The following ITGA8 variants were observed in gnomAD, a reference collection of about 807,000 sequenced individuals.
The protein encoded by ITGA8 is integrin subunit alpha 8, also known as integrin alpha-8.
In ITGA8, 91 loss-of-function variants were observed where a neutral mutation model predicts 142.3. That is an observed-to-expected ratio of 0.64 (90% CI 0.54 to 0.76). The LOEUF is 0.76. Ranked by LOEUF, ITGA8 falls within the 30% of genes least tolerant of loss-of-function variation. ITGA8 has a pLI of 0.00. For missense variants in ITGA8, 1,406 were observed against 1,327.7 expected, an observed-to-expected ratio of 1.06 and a Z score of -0.92; for synonymous variants, 505 against 485.2, an observed-to-expected ratio of 1.04 and a Z score of -0.54.
At chr10:15,590,700 G>A (rs1430169498) in intron 22 of ITGA8, among the ~76,000 whole-genome samples, 1 of 151,880 alleles carries the variant, frequency 6.6e-6, no homozygotes, top group African/African-American at 2.4e-5. Flanking sequence ...AAATATTTAG[G>A]GCTACCTAAA....
At chr10:15,618,401 G>C (rs1410244656) in intron 13 of ITGA8, among the ~76,000 whole-genome samples, 1 of 152,168 alleles carries the variant, frequency 6.6e-6, no homozygotes, top group Non-Finnish European at 1.5e-5. Flanking sequence ...GGAAAACTAA[G>C]TCAGGAATTA....
rs1834545869 is a variant in ITGA8 at position 15,672,632 on chromosome 10, C to T, written c.794G>A (p.Ser265Asn). ...TGGGCAATGGGTCTTACCAAGGTAA[C>T]TGTCATCATAGGAAGCTGGAGCCAC... ...TEVAPASYDD[S>N]YLGYSVAAGE... Residue 265 changes from serine (S) to asparagine (N), a missense_variant, in exon 7 of 30, where the codon AGT (serine) becomes AAT (asparagine). Coordinates refer to ENST00000378076, the MANE Select transcript of ITGA8 (RefSeq NM_003638.3). 4 of 1,612,972 alleles carry T rather than the reference C, an allele frequency of 2.5e-6. No homozygotes were observed. Among genetic ancestry groups the T allele is most frequent in the African/African-American group, 1.3e-5 (1 of 74,884 alleles).
At chr10:15,626,259 G>A (rs1196492598) in intron 13 of ITGA8, among the ~76,000 whole-genome samples, 1 of 152,040 alleles carries the variant, frequency 6.6e-6, no homozygotes, top group African/African-American at 2.4e-5. Flanking sequence ...TTTGGAGACA[G>A]TCTCACTCTA....
chr10:15,638,905 T>C (rs911130762), intron 13 of ITGA8, among the ~76,000 whole-genome samples: 1 of 151,932 alleles, frequency 6.6e-6, no homozygotes, highest in African/African-American at 2.4e-5. Flanking sequence ...GGCGGGAGGA[T>C]CGCTTGAGGC....
chr10:15,665,574 GAC>G (rs201967653), intron 8 of ITGA8, among the ~76,000 whole-genome samples: 86,309 of 151,296 alleles, frequency 0.57, 25,767 homozygotes, highest in South Asian at 0.75. Context: ...TTGTGTTTTA[GAC>G]ATGAAGTCCT....
In ITGA8 at chr10:15,616,538, C is replaced by T. The variant is rs764465686; in HGVS notation, c.1421G>A (p.Gly474Glu). 42 of 1,612,108 alleles carry T rather than the reference C, an allele frequency of 2.6e-5. 3 individuals carry two copies. In the South Asian group the frequency reaches 4.0e-4, roughly 15 times the overall value. Residue 474 changes from glycine (G) to glutamate (E), a missense_variant, in exon 14 of 30, where the codon GGA (glycine) becomes GAA (glutamate). Coordinates refer to ENST00000378076, the MANE Select transcript of ITGA8 (RefSeq NM_003638.3). ...DYPDLIVGAF[G>E]TGKVAVYRAR... ...CCTGTAAACAGCGACTTTTCCTGTT[C>T]CAAATGCACCCACAATCAAATCTTA...
chr10:15,615,890 G>A (rs767141124), intron 14 of ITGA8, among the ~76,000 whole-genome samples: 4 of 152,086 alleles, frequency 2.6e-5, no homozygotes, highest in Non-Finnish European at 2.9e-5. Context: ...TACACCACAC[G>A]CATATTCTCA....
intron 25 of ITGA8, among the ~76,000 whole-genome samples, chr10:15,570,618 A>G (rs892832797): frequency 6.6e-5 from 10 of 151,144 alleles, no homozygotes; most frequent in Middle Eastern, 3.5e-3. Flanking sequence ...CTCAAAAAAA[A>G]AAAAAAAAAA....
chr10:15,595,698 C>T (rs1284708409), intron 21 of ITGA8, among the ~76,000 whole-genome samples: 3 of 152,180 alleles, frequency 2.0e-5, no homozygotes, highest in Non-Finnish European at 2.9e-5. Context: ...GGTCCATCAT[C>T]TACAGATGCT....
At chr10:15,677,106 G>A (rs1468802605) in intron 6 of ITGA8, among the ~76,000 whole-genome samples, 1 of 152,232 alleles carries the variant, frequency 6.6e-6, no homozygotes, top group Non-Finnish European at 1.5e-5. Flanking sequence ...CATCGAAGTA[G>A]AGAGTGGAAA....
intron 13 of ITGA8, among the ~76,000 whole-genome samples, chr10:15,639,764 A>C (rs562542891): frequency 6.6e-6 from 1 of 152,364 alleles, no homozygotes; most frequent in South Asian, 2.1e-4. Context: ...TCTGTGCTCC[A>C]GCCCAGAGTG....
intron 23 of ITGA8, among the ~76,000 whole-genome samples, chr10:15,583,728 T>G (rs1017389331): frequency 1.5e-4 from 23 of 152,206 alleles, no homozygotes; most frequent in African/African-American, 5.5e-4. Context: ...GGCTATAAAG[T>G]AGTCCAAAAT....
intron 2 of ITGA8, among the ~76,000 whole-genome samples, chr10:15,710,436 A>G (rs1835342419): frequency 6.6e-6 from 1 of 152,246 alleles, no homozygotes. Context: ...CTTCTTAAAA[A>G]AGGATTTGTA....
chr10:15,650,985 A>G (rs372157374), intron 11 of ITGA8, among the ~76,000 whole-genome samples: 1 of 152,214 alleles, frequency 6.6e-6, no homozygotes, highest in Non-Finnish European at 1.5e-5. Context: ...TAAATCTAGC[A>G]TAAAAATATA....
At chr10:15,645,647 C>T (rs1318191879) in intron 12 of ITGA8, among the ~76,000 whole-genome samples, 1 of 152,124 alleles carries the variant, frequency 6.6e-6, no homozygotes, top group Non-Finnish European at 1.5e-5. Flanking sequence ...GCCAAATATA[C>T]TAATGAATAC....
intron 23 of ITGA8, among the ~76,000 whole-genome samples, chr10:15,583,222 A>G (rs146152202): frequency 6.6e-6 from 1 of 152,208 alleles, no homozygotes; most frequent in Non-Finnish European, 1.5e-5. Context: ...AGGGACATGG[A>G]TGAAACTGGA....
At chr10:15,622,330 C>T (rs1833504634) in intron 13 of ITGA8, among the ~76,000 whole-genome samples, 1 of 150,792 alleles carries the variant, frequency 6.6e-6, no homozygotes, top group Non-Finnish European at 1.5e-5. Flanking sequence ...ATGTTTATAT[C>T]TGTTCCCAAA....
At chr10:15,577,342 T>C (rs1252750321) in intron 23 of ITGA8, among the ~76,000 whole-genome samples, 1 of 152,090 alleles carries the variant, frequency 6.6e-6, no homozygotes, top group Non-Finnish European at 1.5e-5. Context: ...ATTTTATACA[T>C]GAAAGGAAGA....
chr10:15,531,231 G>T, intron 27 of ITGA8, 80 bp from the exon 28 acceptor site: 3 of 750,090 alleles, frequency 4.0e-6, no homozygotes, highest in Non-Finnish European at 2.0e-6. Flanking sequence ...AATTATTTTT[G>T]GTGTTTTGCA....
Sources: gnomAD v4.1 joint callset for allele counts (sites outside exome capture counted in the v4.1 genomes callset) on GRCh38, gnomAD v4.1.1 for gene constraint, MANE v1.5 for transcripts, NCBI Gene and HGNC (gene_info 2026-07-23, HGNC 2026-07-21) for gene names.